The following HEMK2 variants were observed in gnomAD, a reference collection of about 807,000 sequenced individuals.
The protein encoded by HEMK2 is methyltransferase HEMK2.
the HEMK2 span, among the ~76,000 whole-genome samples, chr21:28,644,861 C>T: frequency 2.6e-5 from 4 of 152,118 alleles, no homozygotes; most frequent in Non-Finnish European, 5.9e-5. Context: ...TGCCTCACTC[C>T]ACATTTTTGT....
the HEMK2 span, among the ~76,000 whole-genome samples, chr21:28,661,141 A>C: frequency 6.6e-6 from 1 of 152,092 alleles, no homozygotes; most frequent in African/African-American, 2.4e-5. Context: ...CAACTTTATT[A>C]ATCCTTCAAA....
the HEMK2 span, among the ~76,000 whole-genome samples, chr21:28,591,521 G>C: frequency 2.5e-3 from 379 of 152,258 alleles, 1 homozygote; most frequent in African/African-American, 8.8e-3. Context: ...CCATCAGTAA[G>C]TTGAACAAGC....
chr21:28,595,575 T>C, the HEMK2 span, among the ~76,000 whole-genome samples: 1 of 152,186 alleles, frequency 6.6e-6, no homozygotes, highest in Non-Finnish European at 1.5e-5. Flanking sequence ...TAACCATTCA[T>C]CTGTTGATGA....
chr21:28,882,509 C>T, the HEMK2 span, among the ~76,000 whole-genome samples: 1 of 151,894 alleles, frequency 6.6e-6, no homozygotes, highest in Middle Eastern at 3.2e-3. Flanking sequence ...ATGAATTATA[C>T]ATCCAATGAA....
the HEMK2 span, among the ~76,000 whole-genome samples, chr21:28,806,624 CT>C: frequency 6.6e-6 from 1 of 152,138 alleles, no homozygotes; most frequent in Admixed American, 6.6e-5. Context: ...GCTGGTGCAT[CT>C]TTCCTGGTCT....
chr21:28,776,944 A>G, the HEMK2 span, among the ~76,000 whole-genome samples: 1 of 152,172 alleles, frequency 6.6e-6, no homozygotes, highest in Non-Finnish European at 1.5e-5. Context: ...TCAAAAGTTA[A>G]TCTCCTTTGG....
the HEMK2 span, among the ~76,000 whole-genome samples, chr21:28,799,152 A>C: frequency 1.3e-5 from 2 of 152,188 alleles, no homozygotes; most frequent in Non-Finnish European, 2.9e-5. Flanking sequence ...GCTGCTGATA[A>C]AGACATACCC....
At chr21:28,629,041 G>A in the HEMK2 span, among the ~76,000 whole-genome samples, 1 of 152,136 alleles carries the variant, frequency 6.6e-6, no homozygotes, top group Non-Finnish European at 1.5e-5. Flanking sequence ...AAATTCCTGG[G>A]AAGGCTTGGG....
the HEMK2 span, chr21:28,878,448 TGAC>T: frequency 8.5e-7 from 1 of 1,173,872 alleles, no homozygotes; most frequent in Non-Finnish European, 1.2e-6. Context: ...ATTTTACTGC[TGAC>T]GAAGGAGCAG....
the HEMK2 span, among the ~76,000 whole-genome samples, chr21:28,879,095 TTTTTTTA>T: frequency 1.1e-4 from 5 of 46,262 alleles, no homozygotes; most frequent in Admixed American, 1.8e-4. Context: ...TTTTTTTTTT[TTTTTTTA>T]GAGACAGGGT....
the HEMK2 span, among the ~76,000 whole-genome samples, chr21:28,581,565 T>C: frequency 6.6e-6 from 1 of 152,264 alleles, no homozygotes; most frequent in African/African-American, 2.4e-5. Flanking sequence ...ATATACTGCT[T>C]CCAGAGGAAA....
the HEMK2 span, among the ~76,000 whole-genome samples, chr21:28,594,036 C>T: frequency 0.018 from 2,714 of 152,280 alleles, 108 homozygotes; most frequent in African/African-American, 0.063. Context: ...AGCATTTACC[C>T]TGACATGATG....
At chr21:28,734,269 C>T in the HEMK2 span, among the ~76,000 whole-genome samples, 3 of 152,188 alleles carry the variant, frequency 2.0e-5, no homozygotes, top group Non-Finnish European at 4.4e-5. Context: ...CACAGAGACA[C>T]ACTGCATATA....
At chr21:28,707,405 G>A in the HEMK2 span, among the ~76,000 whole-genome samples, 10 of 151,734 alleles carry the variant, frequency 6.6e-5, no homozygotes, top group Non-Finnish European at 1.2e-4. Flanking sequence ...ACAAGCATGC[G>A]CCACCAGACT....
the HEMK2 span, among the ~76,000 whole-genome samples, chr21:28,877,777 T>C: frequency 2.0e-5 from 3 of 152,076 alleles, no homozygotes; most frequent in African/African-American, 7.2e-5. Flanking sequence ...TATAAAGCAA[T>C]CTGAAAACAA....
chr21:28,750,093 A>G, the HEMK2 span, among the ~76,000 whole-genome samples: 1 of 152,264 alleles, frequency 6.6e-6, no homozygotes, highest in Non-Finnish European at 1.5e-5. Context: ...TCTGAAATAC[A>G]CAGAGAGTAG....
chr21:28,672,974 TA>T, the HEMK2 span, among the ~76,000 whole-genome samples: 75 of 88,374 alleles, frequency 8.5e-4, 1 homozygote, highest in Non-Finnish European at 1.5e-3. Context: ...AGAAAAAAAA[TA>T]AAAAAAGAGA....
the HEMK2 span, among the ~76,000 whole-genome samples, chr21:28,641,708 T>G: frequency 6.6e-6 from 1 of 152,204 alleles, no homozygotes; most frequent in Non-Finnish European, 1.5e-5. Flanking sequence ...TAGAAAAATA[T>G]AGTGGTTTTT....
chr21:28,660,276 ACTT>A, the HEMK2 span, among the ~76,000 whole-genome samples: 1 of 151,670 alleles, frequency 6.6e-6, no homozygotes, highest in African/African-American at 2.4e-5. Context: ...TATAGTTTTT[ACTT>A]CTTTTTATTG....
Sources: gnomAD v4.1 joint callset for allele counts (sites outside exome capture counted in the v4.1 genomes callset) on GRCh38, gnomAD v4.1.1 for gene constraint, MANE v1.5 for transcripts, NCBI Gene and HGNC (gene_info 2026-07-23, HGNC 2026-07-21) for gene names.